Variants in COL1A2 observed in about 807,000 individuals in gnomAD.
COL1A2 encodes the protein collagen type I alpha 2 chain, also known as collagen alpha-2(I) chain.
Under a neutral mutation model 174.3 loss-of-function variants are expected in COL1A2, and 49 were observed. The observed-to-expected ratio is 0.28, with a 90% CI of 0.22 to 0.36. The LOEUF (loss-of-function observed/expected upper bound fraction) is 0.36. Ranked by LOEUF, COL1A2 falls within the 10% of genes least tolerant of loss-of-function variation. The pLI is 1.00. For synonymous variants in COL1A2, 655 were observed against 606.6 expected, an observed-to-expected ratio of 1.08 and a Z score of -1.17; for missense variants, 1,438 against 1,822.7, an observed-to-expected ratio of 0.79 and a Z score of 3.84.
In COL1A2 at chr7:94,423,005, C is replaced by G. The variant is rs767839892; in HGVS notation, c.2452C>G (p.Leu818Val). ...GPPGPAGKEG[L>V]RGPRGDQGPV... Reference sequence around the variant, plus strand: ...CCCTGGTCCTGCTGGGAAAGAAGGGCTTCGTGGTCCTCGTGGTGACCAAGG... The same window carrying G: ...CCCTGGTCCTGCTGGGAAAGAAGGGGTTCGTGGTCCTCGTGGTGACCAAGG... Residue 818 changes from leucine to valine, a missense_variant, in exon 40 of 52, where the codon CTT (leucine) becomes GTT (valine). Leu to Val is a conservative substitution (Grantham distance 32). This residue lies in a region of COL1A2 where 867 missense variants were observed against 1,213.7 expected (regional missense o/e 0.71). Transcript: ENST00000297268. The G allele has an allele frequency of 6.2e-7, 1 of 1,613,996 alleles. No homozygotes were observed. Among genetic ancestry groups the G allele is most frequent in the African/African-American group, 1.3e-5 (1 of 74,896 alleles).
intron 23 of COL1A2, 115 bp from the exon 24 acceptor site, chr7:94,411,952 CT>C: frequency 2.5e-6 from 2 of 802,536 alleles, no homozygotes; most frequent in South Asian, 2.9e-5. Context: ...ATGATTTACC[CT>C]AGGCAACAAA....
intron 20 of COL1A2, 32 bp from the exon 21 acceptor site, chr7:94,410,388 C>T (rs545174417): frequency 6.4e-7 from 1 of 1,560,010 alleles, no homozygotes; most frequent in African/African-American, 1.4e-5. Flanking sequence ...TATTTTTTTA[C>T]TCCCTCTTCT....
chr7:94,395,482 C>T, intron 1 of COL1A2: 1 of 345,862 alleles, frequency 2.9e-6, no homozygotes, highest in Non-Finnish European at 5.6e-6. Context: ...TGATGTCCAC[C>T]TTGTAAAACT....
Position 94,424,351 on chromosome 7 carries a change from C to G in COL1A2, c.2581C>G (p.Pro861Ala), listed in dbSNP as rs912458875. 3 of 1,614,064 alleles carry G rather than the reference C, an allele frequency of 1.9e-6. No individual in the cohort carries two copies. Among genetic ancestry groups the G allele is most frequent in the Admixed American group, 3.3e-5 (2 of 60,000 alleles). The change falls in exon 41 of 52, where the codon CCA becomes GCA. Residue 861 changes from proline (P) to alanine (A), a missense_variant. By Grantham distance (27) the Pro-to-Ala change is conservative (BLOSUM62 -1). Transcript: ENST00000297268. The part of the protein sequence containing the change: ...EAGTAGPPGT[P>A]GPQGLLGAPG... ...CTCTATTTAGGGACCTCCTGGCACT[C>G]CAGGTCCTCAGGGTCTTCTTGGTGC...
chr7:94,409,820 TTGTAAGTGGTCA>T lies in COL1A2; in HGVS notation c.1035+2_1035+13del. The T allele has an allele frequency of 6.2e-7, 1 of 1,614,062 alleles. No individual in the cohort carries two copies. Among genetic ancestry groups the T allele is most frequent in the Non-Finnish European group, 8.5e-7 (1 of 1,179,968 alleles). Reference sequence around the variant, plus strand: ...GGTGCTACTGGTGCCAGAGGACTTGTTGTAAGTGGTCATGACTGTGGTTCTCATCATCCTGAA... The same window carrying T: ...GGTGCTACTGGTGCCAGAGGACTTGTTGACTGTGGTTCTCATCATCCTGAA... On this transcript the variant is annotated splice_donor_variant and splice_donor_5th_base_variant and coding_sequence_variant and intron_variant, in exon 19 of 52. Transcript: ENST00000297268. LOFTEE classifies it high-confidence loss of function.
At chr7:94,397,676 G>T in intron 1 of COL1A2, 72 bp from the exon 2 acceptor site, 1 of 835,328 alleles carries the variant, frequency 1.2e-6, no homozygotes, top group African/African-American at 1.7e-5. Flanking sequence ...TTCTCTATTT[G>T]TTAATTATTG....
intron 24 of COL1A2, 144 bp from the exon 25 acceptor site, chr7:94,412,440 A>T (rs993011952): frequency 2.8e-6 from 2 of 710,842 alleles, no homozygotes; most frequent in East Asian, 5.4e-5. Flanking sequence ...AGAAAAGGAA[A>T]ATGGATTCAT....
intron 33 of COL1A2, 142 bp from the exon 34 acceptor site, chr7:94,419,356 A>G (rs1302681544): frequency 1.1e-6 from 1 of 920,366 alleles, no homozygotes; most frequent in African/African-American, 1.6e-5. Flanking sequence ...GAACCAAAAT[A>G]CATCAGAGGC....
chr7:94,397,824 T>C, intron 2 of COL1A2, 66 bp downstream of exon 2: 2 of 925,034 alleles, frequency 2.2e-6, no homozygotes, highest in South Asian at 1.5e-5. Context: ...TGATGTCTTC[T>C]CTTGGAAGGG....
chr7:94,398,054 G>C (rs1791616620), intron 2 of COL1A2, among the ~76,000 whole-genome samples: 2 of 152,080 alleles, frequency 1.3e-5, no homozygotes, highest in South Asian at 2.1e-4. Flanking sequence ...TGAAGCAGAA[G>C]ATTTCACTGA....
At position 94,412,678 on chromosome 7, in the gene COL1A2, C is replaced by A. The variant is rs1791953730; in HGVS notation, c.1499C>A (p.Pro500His). 6.2e-7 allele frequency: 1 copy of A among 1,613,766 alleles called. No individual in the cohort carries two copies. The highest frequency in any genetic ancestry group is 1.3e-5 in the African/African-American group (1 of 74,910). ...GNIGFPGPKG[P>H]TGDPGKNGDK... Reference sequence around the variant, plus strand: ...ATTGGATTCCCTGGACCCAAAGGCCCCACTGTAAGAATCACCACAACTTTC... The same window carrying A: ...ATTGGATTCCCTGGACCCAAAGGCCACACTGTAAGAATCACCACAACTTTC... Residue 500 changes from proline (P) to histidine (H), a missense_variant, in exon 25 of 52, where the codon CCC becomes CAC. Transcript: ENST00000297268.
At position 94,427,037 on chromosome 7, in the gene COL1A2, C is replaced by T. The variant is rs1800248; in HGVS notation, c.3135C>T (p.Gly1045=). 201,566 of 1,613,190 alleles carry T rather than the reference C, an allele frequency of 0.12. 13,529 individuals are homozygous for T. The highest frequency in any genetic ancestry group is 0.17 in the South Asian group (15,638 of 91,034). Residue 1045 remains glycine (G), a synonymous_variant, in exon 47 of 52, where the codon GGC becomes GGT. Transcript: ENST00000297268. ...AGHHGDQGAP[G]SVGPAGPRGP... ...ACCATGGTGATCAAGGTGCTCCTGGCTCCGTGGGTCCTGCTGGTCCTAGGG... is the reference window on the plus strand; with the variant it reads ...ACCATGGTGATCAAGGTGCTCCTGGTTCCGTGGGTCCTGCTGGTCCTAGGG...
chr7:94,395,938 C>T (rs1791574396), intron 1 of COL1A2, among the ~76,000 whole-genome samples: 1 of 152,146 alleles, frequency 6.6e-6, no homozygotes, highest in African/African-American at 2.4e-5. Flanking sequence ...GATAAGCAAA[C>T]ATTATGAACG....
chr7:94,407,863 C>G lies in COL1A2; in HGVS notation c.611C>G (p.Pro204Arg). The G allele has an allele frequency of 6.2e-7, 1 of 1,613,996 alleles. No individual in the cohort carries two copies. Among genetic ancestry groups the G allele is most frequent in the Non-Finnish European group, 8.5e-7 (1 of 1,179,944 alleles). The change falls in exon 13 of 52, where the codon CCT (proline) becomes CGT (arginine). Residue 204 changes from proline to arginine, a missense_variant. Physicochemically the swap from Pro to Arg is moderately radical, Grantham distance 103. Coordinates refer to ENST00000297268, the MANE Select transcript of COL1A2 (RefSeq NM_000089.4). ...APGVKGEPGA[P>R]GENGTPGQTG... ...TCCATGTAGGGTGAACCTGGTGCCC[C>G]TGGTGAAAATGGAACTCCAGGTCAA...
rs750122351 is a variant in COL1A2, at chr7:94,414,203, T to C, written c.1666-19T>C. 1.2e-6 allele frequency: 2 copies of C among 1,613,850 alleles called. No individual in the cohort carries two copies. The highest frequency in any genetic ancestry group is 1.3e-5 in the African/African-American group (1 of 74,922). On this transcript the variant is annotated intron_variant, in intron 28 of 51. Coordinates refer to ENST00000297268, the MANE Select transcript of COL1A2 (RefSeq NM_000089.4). The stretch of plus-strand genomic sequence containing the variant: ...AACGTAGCCATGGGATTGAGATTTG[T>C]ATTTCTTTTCATTTTTAGGGTCTGC...
intron 19 of COL1A2, 110 bp downstream of exon 19, chr7:94,409,931 C>A: frequency 8.9e-7 from 1 of 1,125,710 alleles, no homozygotes; most frequent in Non-Finnish European, 1.3e-6. Context: ...TTTTCTCTTC[C>A]TTAGCATTTT....
At chr7:94,416,524 T>C in intron 31 of COL1A2, 21 bp downstream of exon 31, 8 of 1,538,960 alleles carry the variant, frequency 5.2e-6, no homozygotes, top group Non-Finnish European at 7.1e-6. Flanking sequence ...ATGTTTTCTA[T>C]ATTGCTGGTT....
Position 94,407,892 on chromosome 7 carries a change from G to GT in COL1A2, c.639+2dup, listed in dbSNP as rs758110917. 1.2e-6 allele frequency: 2 copies of GT among 1,612,744 alleles called. No homozygotes were observed. The highest frequency in any genetic ancestry group is 1.1e-5 in the South Asian group (1 of 90,982). On this transcript the variant is annotated splice_donor_variant, in intron 13 of 51. Coordinates refer to ENST00000297268, the MANE Select transcript of COL1A2 (RefSeq NM_000089.4). LOFTEE classifies it high-confidence loss of function. ...TGAAAATGGAACTCCAGGTCAAACA[G>GT]TAAGTATTGACTACTTCATTGTAAA...
At chr7:94,424,927 T>C in intron 41 of COL1A2, 190 bp from the exon 42 acceptor site, 1 of 627,278 alleles carries the variant, frequency 1.6e-6, no homozygotes. Context: ...TACATAAAGC[T>C]GGCCATCTAC....
Sources: gnomAD v4.1 joint callset for allele counts (sites outside exome capture counted in the v4.1 genomes callset) on GRCh38, gnomAD v4.1.1 for gene constraint, gnomAD v4.1.1 regional missense constraint, MANE v1.5 for transcripts, NCBI Gene and HGNC (gene_info 2026-07-23, HGNC 2026-07-21) for gene names.